HOMER1: variants seen among roughly 807,000 people sequenced by gnomAD.
HOMER1 encodes homer scaffold protein 1, also known as homer protein homolog 1.
HOMER1 carries 3 observed loss-of-function variants against 48.9 expected under a neutral mutation model. That is an observed-to-expected ratio of 0.06 (90% CI 0.03 to 0.16). The LOEUF (loss-of-function observed/expected upper bound fraction) is 0.16, where lower values mean the gene tolerates loss of function less well. Ranked by LOEUF, HOMER1 falls within the 10% of genes least tolerant of loss-of-function variation. The pLI, the probability that HOMER1 is intolerant of heterozygous loss-of-function variation, is 1.00. For synonymous variants in HOMER1, 134 were observed against 146.4 expected (o/e 0.92, Z 0.61); for missense variants, 247 against 411.4 (o/e 0.60, Z 3.46).
intron 6 of HOMER1, among the ~76,000 whole-genome samples, chr5:79,398,308 T>TACACACACAC (rs139315456): frequency 6.7e-6 from 1 of 149,460 alleles, no homozygotes; most frequent in East Asian, 2.0e-4. Context: ...TCAATATAAA[T>TACACACACAC]ACACACACAC....
At chr5:79,493,437 A>G (rs1437756380) in intron 1 of HOMER1, among the ~76,000 whole-genome samples, 1 of 152,170 alleles carries the variant, frequency 6.6e-6, no homozygotes, top group Non-Finnish European at 1.5e-5. Flanking sequence ...ATTCACTGGA[A>G]TGTAAGCTCC....
intron 6 of HOMER1, among the ~76,000 whole-genome samples, chr5:79,401,286 C>T (rs1449336534): frequency 6.6e-6 from 1 of 152,070 alleles, no homozygotes; most frequent in East Asian, 1.9e-4. Context: ...CTCAGTGCAA[C>T]TACATGCCAA....
intron 1 of HOMER1, among the ~76,000 whole-genome samples, chr5:79,483,278 T>A (rs186045745): frequency 6.6e-6 from 1 of 152,244 alleles, no homozygotes; most frequent in Non-Finnish European, 1.5e-5. Context: ...AGACAGAATA[T>A]CTATAAAGTA....
rs377464138 is a variant in HOMER1 at position 79,376,185 on chromosome 5, G to A, written c.889C>T (p.Arg297Trp). 9 of 1,609,382 alleles carry A rather than the reference G, an allele frequency of 5.6e-6. No homozygotes were observed. Among genetic ancestry groups the A allele is most frequent in the African/African-American group, 1.3e-5 (1 of 74,560 alleles). The change falls in exon 9 of 9, where the codon CGG (arginine) becomes TGG (tryptophan). Residue 297 changes from arginine (R) to tryptophan (W), a missense_variant. Physicochemically the swap from Arg to Trp is moderately radical, Grantham distance 101. Around this residue, in one of 4 missense-constraint regions of HOMER1, gnomAD observed 113 missense variants for 152.5 expected, o/e 0.74. Coordinates refer to ENST00000334082, the MANE Select transcript of HOMER1 (RefSeq NM_004272.5). ...AGTTGTCCCTCCAGGTCTTTGTTCC[G>A]AATTTCTACTTCCTTCAGAAACAAA... ...LTQKLQEVEIRNKDLEGQLSD... is the reference protein window; with the variant it reads ...LTQKLQEVEIWNKDLEGQLSD...
intron 1 of HOMER1, among the ~76,000 whole-genome samples, chr5:79,488,712 CAAT>C (rs541433233): frequency 5.3e-5 from 8 of 152,272 alleles, no homozygotes; most frequent in African/African-American, 1.9e-4. Context: ...AAATTTCTAA[CAAT>C]AATAGTTACC....
intron 5 of HOMER1, among the ~76,000 whole-genome samples, chr5:79,434,308 T>C (rs1217427481): frequency 6.6e-6 from 1 of 151,852 alleles, no homozygotes; most frequent in Non-Finnish European, 1.5e-5. Context: ...TAATTTTCAG[T>C]GGCTTTAAAT....
intron 5 of HOMER1, among the ~76,000 whole-genome samples, chr5:79,421,796 C>T (rs537604689): frequency 6.6e-6 from 1 of 152,032 alleles, no homozygotes; most frequent in East Asian, 1.9e-4. Context: ...TTAGTAGACA[C>T]GGTGTTTCTC....
At chr5:79,490,769 C>CAA (rs1164511654) in intron 1 of HOMER1, among the ~76,000 whole-genome samples, 21 of 84,076 alleles carry the variant, frequency 2.5e-4, no homozygotes, top group East Asian at 1.3e-3. Flanking sequence ...CCATCTCTAC[C>CAA]AAAAAAAAAA....
At chr5:79,497,200 G>C (rs1752449981) in intron 1 of HOMER1, among the ~76,000 whole-genome samples, 1 of 152,002 alleles carries the variant, frequency 6.6e-6, no homozygotes, top group Non-Finnish European at 1.5e-5. Context: ...AACTTCAGAA[G>C]TCAAAGCAGT....
chr5:79,494,688 G>C (rs1428133423), intron 1 of HOMER1, among the ~76,000 whole-genome samples: 2 of 152,212 alleles, frequency 1.3e-5, no homozygotes, highest in Non-Finnish European at 1.5e-5. Flanking sequence ...GACCAACATG[G>C]TGAAACTCTA....
At chr5:79,471,969 T>C (rs976437495) in intron 1 of HOMER1, among the ~76,000 whole-genome samples, 22 of 152,310 alleles carry the variant, frequency 1.4e-4, no homozygotes, top group African/African-American at 4.6e-4. Flanking sequence ...TATGTAAAAA[T>C]TGCAGTCCCT....
Position 79,480,231 on chromosome 5 carries a change from A to G in HOMER1, c.6-23213T>C, listed in dbSNP as rs537054099. Among the ~76,000 whole-genome samples the G allele has an allele frequency of 4.6e-5, 7 of 152,290 alleles. No individual in the cohort carries two copies. The East Asian group carries it at 1.3e-3, about 29-fold the overall frequency. On this transcript the variant is annotated intron_variant, in intron 1 of 8. Transcript: ENST00000334082. ...AGCAGCACTGTTACAAAAATAAAAC[A>G]CCTGAAAAGTAGGGGGAAAGGTGGA...
chr5:79,415,210 C>T (rs947664872), intron 5 of HOMER1, among the ~76,000 whole-genome samples: 2 of 151,764 alleles, frequency 1.3e-5, no homozygotes, highest in East Asian at 1.9e-4. Context: ...AGTGCCACCA[C>T]GCCTGGCTAT....
intron 1 of HOMER1, among the ~76,000 whole-genome samples, chr5:79,511,645 A>G (rs1051152642): frequency 6.6e-6 from 1 of 152,198 alleles, no homozygotes. Flanking sequence ...CAAGTTTTTA[A>G]AACCATTATA....
chr5:79,400,934 A>ATT (rs746813087), intron 6 of HOMER1, among the ~76,000 whole-genome samples: 1,437 of 115,082 alleles, frequency 0.012, 34 homozygotes, highest in African/African-American at 0.04. Flanking sequence ...AAGAAAAAAG[A>ATT]TTTTTTTTTT....
At chr5:79,377,212 C>A (rs552590321) in intron 8 of HOMER1, among the ~76,000 whole-genome samples, 1 of 152,108 alleles carries the variant, frequency 6.6e-6, no homozygotes, top group Admixed American at 6.5e-5. Flanking sequence ...GTGATCCACC[C>A]GCCTCGGCCT....
rs772069998 is a variant in HOMER1, at chr5:79,409,084, G to GAAAAAAAAAAAAA, written c.528-7042_528-7030dup. Among the ~76,000 whole-genome samples the GAAAAAAAAAAAAA allele has an allele frequency of 2.1e-4, 23 of 109,474 alleles. 1 individual carries two copies. Among genetic ancestry groups the GAAAAAAAAAAAAA allele is most frequent in the East Asian group, 8.9e-4 (3 of 3,378 alleles). 71.8% of individuals were successfully genotyped at this position (109,474 alleles called of 152,430 possible). A position where few individuals can be genotyped will look rare whatever the true frequency, so the allele number is the denominator to read the frequency against. On this transcript the variant is annotated intron_variant, in intron 5 of 8. Transcript: ENST00000334082. ...TTGATGAAGCAAGATTTTGTCTTGA[G>GAAAAAAAAAAAAA]AAAAAAAAAAAAATTGAAGAGCTCC...
intron 1 of HOMER1, among the ~76,000 whole-genome samples, chr5:79,468,060 G>A (rs1242253527): frequency 3.3e-5 from 5 of 152,100 alleles, no homozygotes; most frequent in African/African-American, 1.2e-4. Flanking sequence ...AAAGGTATGA[G>A]CCACCATGCC....
chr5:79,492,813 C>T (rs1302775753), intron 1 of HOMER1, among the ~76,000 whole-genome samples: 1 of 150,148 alleles, frequency 6.7e-6, no homozygotes, highest in Non-Finnish European at 1.5e-5. Flanking sequence ...AAAAGTGATA[C>T]GTATATTAAA....
Sources: allele counts gnomAD v4.1 joint callset (sites outside exome capture counted in the v4.1 genomes callset), GRCh38; gene constraint gnomAD v4.1.1; regional missense constraint gnomAD v4.1.1; transcripts MANE v1.5; gene names NCBI Gene and HGNC (gene_info 2026-07-23, HGNC 2026-07-21).